The following CNIH3 variants were observed in gnomAD, a reference collection of about 807,000 sequenced individuals.
The protein encoded by CNIH3 is protein cornichon homolog 3.
A neutral mutation model predicts 24.1 loss-of-function variants in CNIH3; 14 were observed. That is an observed-to-expected ratio of 0.58 (90% CI 0.38 to 0.91). The LOEUF is 0.91. Among genes scored for constraint, CNIH3 ranks in the 40% least tolerant of loss-of-function variants. The pLI is 0.00. For missense variants in CNIH3, 178 were observed against 196.8 expected, an observed-to-expected ratio of 0.90 and a Z score of 0.57; for synonymous variants, 68 against 73.8, an observed-to-expected ratio of 0.92 and a Z score of 0.40.
At chr1:224,548,887 T>A (rs957270041) in intron 3 of CNIH3, among the ~76,000 whole-genome samples, 2 of 151,974 alleles carry the variant, frequency 1.3e-5, no homozygotes, top group Non-Finnish European at 2.9e-5. Flanking sequence ...CCCAGGGAGA[T>A]ACTACTTGTA....
intron 1 of CNIH3, among the ~76,000 whole-genome samples, chr1:224,678,727 T>C (rs1686255619): frequency 1.3e-5 from 2 of 151,920 alleles, no homozygotes; most frequent in South Asian, 4.2e-4. Flanking sequence ...TGCTGTGTAA[T>C]AGCTACTAGA....
rs545584858 is a variant in CNIH3 at position 224,473,306 on chromosome 1, GACAGGA to G, written n.203+38446_203+38451del. 3.5e-5 allele frequency among the ~76,000 whole-genome samples: 5 copies of G among 141,296 alleles called. No individual in the cohort carries two copies. The East Asian group carries it at 1.1e-3, about 30-fold the overall frequency. The allele number at this position is 141,296 out of a possible 152,430, so 92.7% of individuals were successfully genotyped here. Reference sequence around the variant, plus strand: ...TAAAACAACCAGGAAACAACAAAATGACAGGAATAAGTCCTTACTTATCAATAAAAT... The same window carrying G: ...TAAAACAACCAGGAAACAACAAAATGATAAGTCCTTACTTATCAATAAAAT... On this transcript the variant is annotated intron_variant and non_coding_transcript_variant, in intron 1 of 5. Transcript: ENST00000471578.
chr1:224,606,392 G>A (rs918443537), intron 3 of CNIH3, among the ~76,000 whole-genome samples: 10 of 152,096 alleles, frequency 6.6e-5, no homozygotes, highest in African/African-American at 2.4e-4. Context: ...AGCTGGAAAG[G>A]GGATGGAGTG....
chr1:224,484,201 C>A, intron 1 of CNIH3, among the ~76,000 whole-genome samples: 1 of 148,804 alleles, frequency 6.7e-6, no homozygotes. Context: ...GAGGCCGAGG[C>A]GGGCAGATCA....
At chr1:224,497,074 A>C (rs2124860922) in intron 1 of CNIH3, among the ~76,000 whole-genome samples, 1 of 152,374 alleles carries the variant, frequency 6.6e-6, no homozygotes, top group East Asian at 1.9e-4. Context: ...TATATGCTAC[A>C]ACATGGATGA....
chr1:224,721,852 G>T (rs918541199), intron 3 of CNIH3, among the ~76,000 whole-genome samples: 8 of 152,200 alleles, frequency 5.3e-5, no homozygotes, highest in Admixed American at 2.6e-4. Flanking sequence ...GGAGGTGGAA[G>T]GATGCTGGAG....
At chr1:224,673,324 C>T (rs992888202) in intron 1 of CNIH3, among the ~76,000 whole-genome samples, 1 of 152,168 alleles carries the variant, frequency 6.6e-6, no homozygotes, top group Non-Finnish European at 1.5e-5. Context: ...TGGGGAGCTG[C>T]AGTTGGATGA....
At chr1:224,717,773 C>T (rs1335289298) in intron 3 of CNIH3, 2 of 152,226 alleles carry the variant, frequency 1.3e-5, no homozygotes. Flanking sequence ...ACCAACTGTA[C>T]TCACCTGTAA....
At chr1:224,467,153 G>A (rs778265480) in intron 1 of CNIH3, among the ~76,000 whole-genome samples, 6 of 152,036 alleles carry the variant, frequency 3.9e-5, no homozygotes, top group Non-Finnish European at 5.9e-5. Flanking sequence ...AGCCTCTCAC[G>A]TGGCTGGGAC....
intron 3 of CNIH3, among the ~76,000 whole-genome samples, chr1:224,706,925 C>CCTCTAATT (rs1310231185): frequency 6.6e-6 from 1 of 150,790 alleles, no homozygotes; most frequent in Non-Finnish European, 1.5e-5. Flanking sequence ...AAAAATCCAA[C>CCTCTAATT]CTCTAATTGG....
intron 2 of CNIH3, among the ~76,000 whole-genome samples, chr1:224,522,148 C>A (rs1678661071): frequency 6.6e-6 from 1 of 152,114 alleles, no homozygotes; most frequent in East Asian, 1.9e-4. Flanking sequence ...GTGTAGGCTA[C>A]TTCCTGAAGT....
At chr1:224,620,212 C>T (rs1345831245) in intron 1 of CNIH3, among the ~76,000 whole-genome samples, 3 of 152,180 alleles carry the variant, frequency 2.0e-5, no homozygotes, top group South Asian at 4.1e-4. Context: ...CTTTGCATAC[C>T]CTCAGGCACC....
At chr1:224,657,543 A>G (rs1366260651) in intron 1 of CNIH3, among the ~76,000 whole-genome samples, 2 of 152,178 alleles carry the variant, frequency 1.3e-5, no homozygotes, top group East Asian at 1.9e-4. Context: ...AACAAAAACA[A>G]TCGGCAATAT....
chr1:224,552,746 A>C (rs1558153215), intron 3 of CNIH3, among the ~76,000 whole-genome samples: 1 of 151,630 alleles, frequency 6.6e-6, no homozygotes, highest in Non-Finnish European at 1.5e-5. Context: ...AGATATTATG[A>C]ATAATATCAC....
intron 3 of CNIH3, among the ~76,000 whole-genome samples, chr1:224,695,743 G>A (rs1022285427): frequency 3.3e-5 from 5 of 152,164 alleles, no homozygotes; most frequent in African/African-American, 9.7e-5. Context: ...AATGATGATC[G>A]CTCAGGCTCC....
At chr1:224,729,052 G>C (rs1378846593) in intron 3 of CNIH3, among the ~76,000 whole-genome samples, 7 of 152,110 alleles carry the variant, frequency 4.6e-5, no homozygotes. Context: ...AAAACATGCT[G>C]TGGGGCCCAG....
rs78267471 is a variant in CNIH3, at chr1:224,598,400, C to T, written n.402+32136C>T. ...ATGAAATCTACTCCTGGTGAAGATG[C>T]TATGAATATCGTTGAACTGACAACA... On this transcript the variant is annotated intron_variant and non_coding_transcript_variant, in intron 3 of 7. Transcript: ENST00000478120. 8.3e-3 allele frequency among the ~76,000 whole-genome samples: 1,264 copies of T among 152,264 alleles called. 21 individuals carry two copies. The highest frequency in any genetic ancestry group is 0.029 in the African/African-American group (1,206 of 41,548).
intron 1 of CNIH3, among the ~76,000 whole-genome samples, chr1:224,665,288 A>G (rs1685542154): frequency 6.6e-6 from 1 of 152,196 alleles, no homozygotes; most frequent in Non-Finnish European, 1.5e-5. Context: ...TAAGCACACT[A>G]GGAAGACAGT....
At chr1:224,619,085 T>C (rs754158553) in intron 1 of CNIH3, among the ~76,000 whole-genome samples, 7 of 152,240 alleles carry the variant, frequency 4.6e-5, no homozygotes, top group Non-Finnish European at 1.0e-4. Flanking sequence ...TTTTCTGTTT[T>C]TGCCTTGGCC....
Sources: allele counts gnomAD v4.1 joint callset (sites outside exome capture counted in the v4.1 genomes callset), GRCh38; gene constraint gnomAD v4.1.1; transcripts MANE v1.5; gene names NCBI Gene and HGNC (gene_info 2026-07-23, HGNC 2026-07-21).